Variants in HBS1L observed in about 807,000 individuals in gnomAD.
The protein encoded by HBS1L is HBS1-like protein.
HBS1L carries 55 observed loss-of-function variants against 88.9 expected under a neutral mutation model. That is an observed-to-expected ratio of 0.62 (90% CI 0.50 to 0.77). The LOEUF (loss-of-function observed/expected upper bound fraction) is 0.77, where lower values mean the gene tolerates loss of function less well. Ranked by LOEUF, HBS1L falls within the 30% of genes least tolerant of loss-of-function variation. HBS1L has a pLI of 0.00. For synonymous variants in HBS1L, 267 were observed against 288.5 expected (o/e 0.93, Z 0.76); for missense variants, 741 against 829.3 (o/e 0.89, Z 1.31).
In HBS1L at chr6:135,054,684, C is replaced by G. The variant is rs1409092996; in HGVS notation, c.8G>C (p.Arg3Pro). Residue 3 changes from arginine (R) to proline (P), a missense_variant, in exon 1 of 18, where the codon CGG (arginine) becomes CCG (proline). Coordinates refer to ENST00000367837, the MANE Select transcript of HBS1L (RefSeq NM_006620.4). MA[R>P]HRNVRGYNYD... ...GTTATAGCCTCGAACATTCCGATGCCGGGCCATGACGGCGGAGAGGGCGTT... is the reference window on the plus strand; with the variant it reads ...GTTATAGCCTCGAACATTCCGATGCGGGGCCATGACGGCGGAGAGGGCGTT... The G allele has an allele frequency of 6.2e-7, 1 of 1,614,116 alleles. No homozygotes were observed. The highest frequency in any genetic ancestry group is 8.5e-7 in the Non-Finnish European group (1 of 1,180,058).
chr6:134,993,852 A>G lies in HBS1L; in HGVS notation c.989T>C (p.Met330Thr), dbSNP rs781755986. The G allele has an allele frequency of 3.8e-6, 6 of 1,598,754 alleles. No homozygotes were observed. In the South Asian group the frequency reaches 5.6e-5, roughly 15 times the overall value. Residue 330 changes from methionine (M) to threonine (T), a missense_variant, in exon 8 of 18, where the codon ATG (methionine) becomes ACG (threonine). Transcript: ENST00000367837. ...RERGVTMDVG[M>T]TKFETTTKVI... is the part of the protein sequence containing the mutation. ...TTTGGTTGTGGTTTCAAACTTTGTC[A>G]TACCAACATCCATGGTTACTCCCCT...
intron 12 of HBS1L, among the ~76,000 whole-genome samples, chr6:134,984,610 TTTA>T (rs894138394): frequency 1.3e-5 from 2 of 152,222 alleles, no homozygotes; most frequent in African/African-American, 4.8e-5. Flanking sequence ...CCTTACAGTT[TTTA>T]TTATTGTAAT....
At chr6:134,982,650 A>G in intron 12 of HBS1L, 88 bp from the exon 13 acceptor site, 1 of 619,698 alleles carries the variant, frequency 1.6e-6, no homozygotes, top group East Asian at 2.8e-5. Flanking sequence ...TCAAGTAGTC[A>G]TATAAAACTA....
intron 1 of HBS1L, among the ~76,000 whole-genome samples, chr6:135,052,580 T>C (rs1341293147): frequency 8.9e-6 from 1 of 112,072 alleles, no homozygotes; most frequent in Non-Finnish European, 1.8e-5. Context: ...CGATCCTGTC[T>C]CTTAAAAAAA....
chr6:135,046,560 T>C (rs1776920224), intron 2 of HBS1L, among the ~76,000 whole-genome samples: 1 of 152,168 alleles, frequency 6.6e-6, no homozygotes, highest in South Asian at 2.1e-4. Context: ...AGTTAACGTT[T>C]AAAAATCACC....
At chr6:135,047,890 AG>A (rs1228372379) in intron 2 of HBS1L, among the ~76,000 whole-genome samples, 3 of 152,240 alleles carry the variant, frequency 2.0e-5, no homozygotes, top group African/African-American at 7.2e-5. Flanking sequence ...GAATTATAGG[AG>A]CCCCAAAGGG....
intron 4 of HBS1L, among the ~76,000 whole-genome samples, chr6:135,011,864 C>T (rs1775784439): frequency 6.8e-6 from 1 of 147,292 alleles, no homozygotes; most frequent in African/African-American, 2.5e-5. Flanking sequence ...CAAGATTGTG[C>T]CATTGCACTC....
rs775337686 is a variant in HBS1L, at chr6:134,961,760, C to G, written c.*3519G>C. 1.3e-5 allele frequency: 2 copies of G among 151,726 alleles called. No individual in the cohort carries two copies. Among genetic ancestry groups the G allele is most frequent in the Non-Finnish European group, 2.9e-5 (2 of 68,046 alleles). 9.4% of individuals were successfully genotyped at this position (151,726 alleles called of 1,614,324 possible). On this transcript the variant is annotated 3_prime_UTR_variant, in exon 18 of 18. Transcript: ENST00000367837. The stretch of plus-strand genomic sequence containing the variant: ...TACATGTGCTCAAATTCTTAGCAAG[C>G]CCCTCCTTACACCTTCCCACTGAGA...
intron 4 of HBS1L, among the ~76,000 whole-genome samples, chr6:135,004,718 G>T (rs915833375): frequency 6.6e-6 from 1 of 152,194 alleles, no homozygotes; most frequent in African/African-American, 2.4e-5. Flanking sequence ...GGAAAATTTT[G>T]AGATTGGGAC....
Position 134,985,423 on chromosome 6 carries a change from A to G in HBS1L, c.1424-14T>C. 1 of 1,566,526 alleles carries G rather than the reference A, an allele frequency of 6.4e-7. No homozygotes were observed. The highest frequency in any genetic ancestry group is 8.7e-7 in the Non-Finnish European group (1 of 1,149,224). On this transcript the variant is annotated splice_polypyrimidine_tract_variant and intron_variant, in intron 11 of 17. Transcript: ENST00000367837. ...GCTTAAAGGAATCTGGAAAAAAGAA[A>G]TTGCAAAAGGCAAGGTTTAATTTAA...
In HBS1L at chr6:134,961,090, C is replaced by CTTTTTTTTTTTTTTTTTTTTT. The variant is rs58274929; in HGVS notation, c.*4188_*4189insAAAAAAAAAAAAAAAAAAAAA. The CTTTTTTTTTTTTTTTTTTTTT allele has an allele frequency of 1.9e-5, 2 of 106,222 alleles. 1 individual carries two copies. The allele number at this position is 106,222 out of a possible 1,614,324, so 6.6% of individuals were successfully genotyped here. A position where few individuals can be genotyped will look rare whatever the true frequency, so the allele number is the denominator to read the frequency against. On this transcript the variant is annotated 3_prime_UTR_variant, in exon 18 of 18. Transcript: ENST00000367837. Reference sequence around the variant, plus strand: ...TTGCTGTACAGACTTAGTTTCTTTGCTTTTTTTTTTTTTTTTTTTGCATTG... The same window carrying CTTTTTTTTTTTTTTTTTTTTT: ...TTGCTGTACAGACTTAGTTTCTTTGCTTTTTTTTTTTTTTTTTTTTTTTTTTTTTTTTTTTTTTTTGCATTG...
At chr6:134,995,767 C>T (rs1775271775) in intron 7 of HBS1L, among the ~76,000 whole-genome samples, 1 of 151,906 alleles carries the variant, frequency 6.6e-6, no homozygotes, top group African/African-American at 2.4e-5. Flanking sequence ...TGGCAACTGT[C>T]CAGCTAATTT....
chr6:134,983,250 A>T (rs1274372419), intron 12 of HBS1L: 2 of 152,164 alleles, frequency 1.3e-5, no homozygotes, highest in African/African-American at 4.8e-5. Context: ...AAGGGGTCTC[A>T]TAAATCACGC....
intron 17 of HBS1L, among the ~76,000 whole-genome samples, chr6:134,965,940 CAT>C (rs989299319): frequency 1.3e-5 from 2 of 152,186 alleles, no homozygotes; most frequent in African/African-American, 4.8e-5. Flanking sequence ...AGAAAACAAT[CAT>C]GTGGAGTAAT....
At chr6:135,006,769 G>A (rs938336550) in intron 4 of HBS1L, among the ~76,000 whole-genome samples, 2 of 152,072 alleles carry the variant, frequency 1.3e-5, no homozygotes. Flanking sequence ...TAAGGAAGGA[G>A]GATACTTAAG....
At chr6:135,033,603 A>C (rs1248086593) in intron 4 of HBS1L, among the ~76,000 whole-genome samples, 1 of 151,950 alleles carries the variant, frequency 6.6e-6, no homozygotes, top group African/African-American at 2.4e-5. Flanking sequence ...ATAATATCTA[A>C]TTTTTTCCCC....
At chr6:135,036,329 T>G (rs1057479369) in intron 4 of HBS1L, 1 of 1,113,994 alleles carries the variant, frequency 9.0e-7, no homozygotes, top group Non-Finnish European at 1.1e-6. Context: ...ATATCCACTT[T>G]GTAAACATAT....
At position 134,997,384 on chromosome 6, in the gene HBS1L, C is replaced by A. The variant is rs761190964; in HGVS notation, c.799+13G>T. 2 of 1,613,766 alleles carry A rather than the reference C, an allele frequency of 1.2e-6. No homozygotes were observed. The highest frequency in any genetic ancestry group is 3.3e-5 in the Admixed American group (2 of 59,978). On this transcript the variant is annotated intron_variant, in intron 6 of 17. Coordinates refer to ENST00000367837, the MANE Select transcript of HBS1L (RefSeq NM_006620.4). ...ATGGCTGGCTGACGATCCAGAGGGA[C>A]AAAGAGCATTACCAATGACCACTAA...
chr6:135,022,700 A>G (rs538338525), intron 4 of HBS1L, among the ~76,000 whole-genome samples: 2 of 152,270 alleles, frequency 1.3e-5, no homozygotes, highest in African/African-American at 4.8e-5. Context: ...ATTGAAAATT[A>G]TATTTAAAAG....
Sources: allele counts gnomAD v4.1 joint callset (sites outside exome capture counted in the v4.1 genomes callset), GRCh38; gene constraint gnomAD v4.1.1; transcripts MANE v1.5; gene names NCBI Gene and HGNC (gene_info 2026-07-23, HGNC 2026-07-21).